The following PCDH7 variants were observed in gnomAD, a reference collection of about 807,000 sequenced individuals.
The protein encoded by PCDH7 is protocadherin 7.
In PCDH7, 17 loss-of-function variants were observed where a neutral mutation model predicts 58.9. The observed-to-expected ratio is 0.29, with a 90% CI of 0.20 to 0.43. The LOEUF (loss-of-function observed/expected upper bound fraction) is 0.43. Ranked by LOEUF, PCDH7 falls within the 20% of genes least tolerant of loss-of-function variation. The probability of loss-of-function intolerance (pLI) is 1.00; values close to 1 mark genes in which losing one functional copy is unlikely to be tolerated. For missense variants in PCDH7, 1,274 were observed against 1,441.0 expected, an observed-to-expected ratio of 0.88 and a Z score of 1.88; for synonymous variants, 664 against 616.4, an observed-to-expected ratio of 1.08 and a Z score of -1.14.
At chr4:30,955,515 T>C (rs961692255) in intron 3 of PCDH7, among the ~76,000 whole-genome samples, 126 of 151,594 alleles carry the variant, frequency 8.3e-4, no homozygotes, top group African/African-American at 2.9e-3. Context: ...TATTTTATTT[T>C]ATTTTATTTC....
intron 1 of PCDH7, chr4:30,730,619 C>A: frequency 1.7e-6 from 1 of 595,696 alleles, no homozygotes; most frequent in Admixed American, 3.3e-5. Flanking sequence ...TATTTACAAA[C>A]ACAAAGTTGG....
chr4:30,962,789 A>C (rs75404753), intron 3 of PCDH7, among the ~76,000 whole-genome samples: 6,861 of 149,744 alleles, frequency 0.046, 435 homozygotes, highest in East Asian at 0.27. Flanking sequence ...AAAAAAAAAA[A>C]AAAAAAAAAA....
At chr4:30,974,943 A>C (rs1749930674) in intron 3 of PCDH7, among the ~76,000 whole-genome samples, 1 of 152,174 alleles carries the variant, frequency 6.6e-6, no homozygotes, top group African/African-American at 2.4e-5. Context: ...TTTTAGCCTA[A>C]GTTAGGCACG....
chr4:31,101,377 G>T (rs953765469), intron 3 of PCDH7, among the ~76,000 whole-genome samples: 2 of 152,066 alleles, frequency 1.3e-5, no homozygotes, highest in Admixed American at 6.6e-5. Context: ...GAACTTGTAG[G>T]CATCACTTTA....
At chr4:30,803,476 C>T (rs1323949541) in intron 1 of PCDH7, among the ~76,000 whole-genome samples, 1 of 152,076 alleles carries the variant, frequency 6.6e-6, no homozygotes, top group Non-Finnish European at 1.5e-5. Flanking sequence ...CTTGCTCTGT[C>T]ACCTAAGCAG....
At chr4:30,739,149 T>TA (rs1716732328) in intron 1 of PCDH7, among the ~76,000 whole-genome samples, 2 of 146,418 alleles carry the variant, frequency 1.4e-5, no homozygotes, top group Non-Finnish European at 3.0e-5. Flanking sequence ...TATATATATT[T>TA]TATATATATA....
At chr4:30,842,926 A>C (rs1277505741) in intron 1 of PCDH7, among the ~76,000 whole-genome samples, 1 of 152,064 alleles carries the variant, frequency 6.6e-6, no homozygotes, top group Non-Finnish European at 1.5e-5. Context: ...TTGTCTACTT[A>C]TTCTATTGTT....
chr4:30,787,868 G>A (rs1723614634), intron 1 of PCDH7, among the ~76,000 whole-genome samples: 1 of 152,078 alleles, frequency 6.6e-6, no homozygotes, highest in African/African-American at 2.4e-5. Context: ...AGAGTAAACT[G>A]TCTTAAGCCA....
At chr4:31,019,595 C>T (rs1464645418) in intron 3 of PCDH7, among the ~76,000 whole-genome samples, 1 of 151,582 alleles carries the variant, frequency 6.6e-6, no homozygotes, top group East Asian at 2.0e-4. Context: ...ACTTGGGAGG[C>T]TGAGGCAGGC....
intron 3 of PCDH7, among the ~76,000 whole-genome samples, chr4:30,962,963 G>A (rs1304838543): frequency 6.6e-6 from 1 of 152,104 alleles, no homozygotes; most frequent in Non-Finnish European, 1.5e-5. Flanking sequence ...AAGGTAACAA[G>A]CCTGAGGAAT....
intron 3 of PCDH7, among the ~76,000 whole-genome samples, chr4:30,953,348 A>G (rs1747546317): frequency 6.6e-6 from 1 of 152,044 alleles, no homozygotes; most frequent in African/African-American, 2.4e-5. Context: ...TAGATATCTA[A>G]TGTCTATCTA....
At chr4:31,109,302 G>C (rs1715992385) in intron 3 of PCDH7, among the ~76,000 whole-genome samples, 1 of 152,158 alleles carries the variant, frequency 6.6e-6, no homozygotes, top group Admixed American at 6.5e-5. Flanking sequence ...AATCTACCAT[G>C]ATGACTATGC....
chr4:31,031,285 A>T (rs763763151), intron 3 of PCDH7, among the ~76,000 whole-genome samples: 2 of 152,210 alleles, frequency 1.3e-5, no homozygotes, highest in African/African-American at 2.4e-5. Context: ...ACGGGGATGC[A>T]ACTGGCATTT....
intron 2 of PCDH7, among the ~76,000 whole-genome samples, chr4:30,949,285 A>T (rs1260860067): frequency 6.6e-6 from 1 of 152,298 alleles, no homozygotes; most frequent in Non-Finnish European, 1.5e-5. Flanking sequence ...TTGCATTTAA[A>T]TATAAACATA....
exon 4 of PCDH7, chr4:31,142,836 A>T: frequency 7.3e-7 from 1 of 1,364,362 alleles, no homozygotes; most frequent in Non-Finnish European, 9.8e-7. Context: ...ACTAGAAGAG[A>T]AGTTTACCTG....
chr4:30,898,170 C>A (rs576745187), intron 1 of PCDH7, among the ~76,000 whole-genome samples: 123 of 152,292 alleles, frequency 8.1e-4, no homozygotes, highest in South Asian at 4.3e-3. Flanking sequence ...ACTGCATGAA[C>A]TAATAAAACC....
intron 3 of PCDH7, among the ~76,000 whole-genome samples, chr4:30,960,822 G>C (rs1043343004): frequency 1.3e-5 from 2 of 151,944 alleles, no homozygotes; most frequent in East Asian, 1.9e-4. Flanking sequence ...AATAACACTA[G>C]GACTATAAAA....
intron 1 of PCDH7, among the ~76,000 whole-genome samples, chr4:30,738,810 T>G (rs1716661109): frequency 6.6e-6 from 1 of 152,078 alleles, no homozygotes; most frequent in Admixed American, 6.6e-5. Flanking sequence ...GTAGTCTTAA[T>G]ATTCTTCTTA....
Position 31,050,799 on chromosome 4 carries a change from A to G in PCDH7, c.*8-91674A>G, listed in dbSNP as rs183477186. Among the ~76,000 whole-genome samples, 22 of 152,286 alleles carry G rather than the reference A, an allele frequency of 1.4e-4. No homozygotes were observed. In the East Asian group the frequency reaches 3.5e-3, roughly 24 times the overall value. Reference sequence around the variant, plus strand: ...TTGTAGGATACTTTAGAATTCACAGAACAGGTTCAAATACTTTCCTCAAAA... The same window carrying G: ...TTGTAGGATACTTTAGAATTCACAGGACAGGTTCAAATACTTTCCTCAAAA... On this transcript the variant is annotated intron_variant, in intron 3 of 3. Coordinates refer to the PCDH7 transcript ENST00000509759.
Sources: gnomAD v4.1 joint callset for allele counts (sites outside exome capture counted in the v4.1 genomes callset) on GRCh38, gnomAD v4.1.1 for gene constraint, MANE v1.5 for transcripts, NCBI Gene and HGNC (gene_info 2026-07-23, HGNC 2026-07-21) for gene names.